The following DLGAP1 variants were observed in gnomAD, a reference collection of about 807,000 sequenced individuals.
DLGAP1 encodes the protein disks large-associated protein 1.
In DLGAP1, 11 loss-of-function variants were observed where a neutral mutation model predicts 90.8. The observed-to-expected ratio is 0.12, with a 90% confidence interval of 0.08 to 0.20. The LOEUF (loss-of-function observed/expected upper bound fraction) is 0.20. DLGAP1 is among the 10% of genes least tolerant of loss of function. The pLI, the probability that DLGAP1 is intolerant of heterozygous loss-of-function variation, is 1.00. For missense variants in DLGAP1, 1,050 were observed against 1,333.8 expected (o/e 0.79, Z 3.31); for synonymous variants, 558 against 540.7 (o/e 1.03, Z -0.44).
chr18:3,514,345 A>G (rs2050708660), intron 10 of DLGAP1, among the ~76,000 whole-genome samples: 1 of 152,228 alleles, frequency 6.6e-6, no homozygotes, highest in African/African-American at 2.4e-5. Flanking sequence ...TTAAGGCCTC[A>G]GAAACAGAGA....
chr18:3,807,520 G>A (rs553657812), intron 5 of DLGAP1, among the ~76,000 whole-genome samples: 4 of 152,240 alleles, frequency 2.6e-5, no homozygotes, highest in African/African-American at 9.6e-5. Flanking sequence ...AAGAAAACAC[G>A]TATGTAAAGC....
At chr18:3,741,147 CCAT>C (rs1455251548) in intron 6 of DLGAP1, among the ~76,000 whole-genome samples, 2 of 115,436 alleles carry the variant, frequency 1.7e-5, no homozygotes, top group African/African-American at 3.4e-5. Context: ...ATCACCATCA[CCAT>C]CACCACCACC....
intron 3 of DLGAP1, among the ~76,000 whole-genome samples, chr18:3,961,978 C>G (rs895859498): frequency 6.6e-6 from 1 of 152,152 alleles, no homozygotes; most frequent in African/African-American, 2.4e-5. Context: ...GAGTCACATA[C>G]AGTAAAGGAT....
intron 1 of DLGAP1, among the ~76,000 whole-genome samples, chr18:4,398,684 G>A (rs1055823757): frequency 6.6e-6 from 1 of 152,194 alleles, no homozygotes; most frequent in Non-Finnish European, 1.5e-5. Flanking sequence ...AGAAACTGTT[G>A]TCCCTTTGCT....
At chr18:3,682,237 A>G (rs2060547102) in intron 7 of DLGAP1, among the ~76,000 whole-genome samples, 2 of 152,250 alleles carry the variant, frequency 1.3e-5, no homozygotes, top group South Asian at 4.1e-4. Context: ...TGCTCTGGCC[A>G]TGTGATGCAC....
At chr18:3,733,626 C>T (rs1217933541) in intron 6 of DLGAP1, among the ~76,000 whole-genome samples, 3 of 152,070 alleles carry the variant, frequency 2.0e-5, no homozygotes, top group African/African-American at 4.8e-5. Flanking sequence ...GATGTAATCC[C>T]GTTGTAAGTA....
chr18:3,920,438 T>C (rs2072244787), intron 3 of DLGAP1, among the ~76,000 whole-genome samples: 1 of 151,206 alleles, frequency 6.6e-6, no homozygotes, highest in Non-Finnish European at 1.5e-5. Context: ...TTAGACTTAC[T>C]AAAATTATAG....
intron 7 of DLGAP1, among the ~76,000 whole-genome samples, chr18:3,666,092 C>A (rs1051404077): frequency 6.6e-6 from 1 of 152,124 alleles, no homozygotes; most frequent in African/African-American, 2.4e-5. Flanking sequence ...CGCGGTCAGG[C>A]AGAGGACGCA....
At chr18:4,060,031 C>T (rs547981777) in intron 2 of DLGAP1, among the ~76,000 whole-genome samples, 14 of 152,310 alleles carry the variant, frequency 9.2e-5, no homozygotes, top group African/African-American at 2.6e-4. Context: ...GAAAAAGCCC[C>T]GCACAACTTG....
At chr18:3,618,796 G>A (rs1055293827) in intron 7 of DLGAP1, among the ~76,000 whole-genome samples, 3 of 150,522 alleles carry the variant, frequency 2.0e-5, no homozygotes, top group Admixed American at 6.6e-5. Context: ...AAAATTAGCC[G>A]GGTGAAGTGG....
chr18:3,763,828 A>T (rs2147936084), intron 5 of DLGAP1, among the ~76,000 whole-genome samples: 1 of 151,888 alleles, frequency 6.6e-6, no homozygotes, highest in Middle Eastern at 3.4e-3. Flanking sequence ...TGCCTGGCTA[A>T]TTTTTTTATA....
intron 5 of DLGAP1, among the ~76,000 whole-genome samples, chr18:3,750,747 C>T (rs1012332908): frequency 9.2e-5 from 14 of 152,176 alleles, no homozygotes; most frequent in African/African-American, 2.4e-4. Flanking sequence ...CCAGTCTCCT[C>T]GTTTGCTGTT....
intron 7 of DLGAP1, chr18:3,656,276 G>T: frequency 1.7e-6 from 1 of 579,430 alleles, no homozygotes; most frequent in Non-Finnish European, 2.9e-6. Flanking sequence ...ATAATTTTTA[G>T]TCTTAACTAG....
At chr18:4,233,566 C>G (rs1336379518) in intron 1 of DLGAP1, among the ~76,000 whole-genome samples, 3 of 152,094 alleles carry the variant, frequency 2.0e-5, no homozygotes, top group Admixed American at 1.3e-4. Flanking sequence ...ATGTTGTATG[C>G]TGGCTCTCTC....
intron 10 of DLGAP1, among the ~76,000 whole-genome samples, chr18:3,511,253 A>T (rs1291794045): frequency 2.0e-5 from 3 of 150,706 alleles, no homozygotes; most frequent in African/African-American, 7.3e-5. Context: ...ACTCACTTTA[A>T]TTTTAAGAAA....
chr18:4,201,265 T>G (rs1334711202), intron 1 of DLGAP1, among the ~76,000 whole-genome samples: 5 of 152,146 alleles, frequency 3.3e-5, no homozygotes, highest in Non-Finnish European at 4.4e-5. Flanking sequence ...TTTTATGATT[T>G]TAGGTCTTTA....
intron 8 of DLGAP1, among the ~76,000 whole-genome samples, chr18:3,569,983 G>A (rs1309227605): frequency 2.0e-5 from 3 of 151,824 alleles, no homozygotes; most frequent in African/African-American, 4.8e-5. Context: ...CCTTTTCTAT[G>A]GTTAGATACA....
chr18:4,131,158 A>T (rs1688340922), intron 2 of DLGAP1, among the ~76,000 whole-genome samples: 1 of 152,056 alleles, frequency 6.6e-6, no homozygotes, highest in Non-Finnish European at 1.5e-5. Flanking sequence ...AAAGACCGTT[A>T]TTGTCTCCAG....
intron 4 of DLGAP1, among the ~76,000 whole-genome samples, chr18:3,850,890 G>GA (rs960550337): frequency 2.0e-4 from 31 of 151,478 alleles, no homozygotes; most frequent in African/African-American, 4.1e-4. Context: ...CATCTTTATA[G>GA]AAAAAAAACA....
Sources: gnomAD v4.1 joint callset for allele counts (sites outside exome capture counted in the v4.1 genomes callset) on GRCh38, gnomAD v4.1.1 for gene constraint, MANE v1.5 for transcripts, NCBI Gene and HGNC (gene_info 2026-07-23, HGNC 2026-07-21) for gene names.